Variants in SCAPER observed in about 807,000 individuals in gnomAD.
The protein encoded by SCAPER is S-phase cyclin A associated protein in the ER.
In SCAPER, 98 loss-of-function variants were observed where a neutral mutation model predicts 182.2. That is an observed-to-expected ratio of 0.54 (90% CI 0.46 to 0.64). The LOEUF is 0.64. SCAPER is among the 30% of genes least tolerant of loss of function. The pLI, the probability that SCAPER is intolerant of heterozygous loss-of-function variation, is 0.00. For synonymous variants in SCAPER, 605 were observed against 564.6 expected, an observed-to-expected ratio of 1.07 and a Z score of -1.01; for missense variants, 1,432 against 1,690.0, an observed-to-expected ratio of 0.85 and a Z score of 2.68.
At chr15:76,449,608 C>T (rs1053619307) in intron 25 of SCAPER, among the ~76,000 whole-genome samples, 4 of 152,176 alleles carry the variant, frequency 2.6e-5, no homozygotes, top group African/African-American at 9.7e-5. Context: ...TTCTATAATT[C>T]TATGACAAGT....
chr15:76,883,666 T>C, intron 2 of SCAPER, 146 bp downstream of exon 2: 3 of 700,940 alleles, frequency 4.3e-6, no homozygotes, highest in East Asian at 3.3e-5. Flanking sequence ...AGTACATTCA[T>C]AGCTGCTCAC....
At chr15:76,474,952 C>G (rs1178505941) in intron 24 of SCAPER, among the ~76,000 whole-genome samples, 1 of 152,108 alleles carries the variant, frequency 6.6e-6, no homozygotes, top group Non-Finnish European at 1.5e-5. Flanking sequence ...AAACCTTGAC[C>G]CACATCTAAC....
At chr15:76,507,397 A>C (rs1325938302) in intron 23 of SCAPER, among the ~76,000 whole-genome samples, 1 of 152,182 alleles carries the variant, frequency 6.6e-6, no homozygotes, top group African/African-American at 2.4e-5. Flanking sequence ...TAACCAACCC[A>C]GTCTGTGGCA....
At chr15:76,701,619 T>G in intron 20 of SCAPER, 139 bp downstream of exon 20, 1 of 613,952 alleles carries the variant, frequency 1.6e-6, no homozygotes, top group Non-Finnish European at 2.8e-6. Context: ...ATTTGTACAC[T>G]ATATTGTAGT....
intron 21 of SCAPER, among the ~76,000 whole-genome samples, chr15:76,652,293 TATATATATATATATATAC>T (rs2055162030): frequency 3.6e-5 from 1 of 28,144 alleles, no homozygotes; most frequent in African/African-American, 1.7e-4. Context: ...TATATATATA[TATATATATATATATATAC>T]ACACACACAC....
At chr15:76,522,165 T>C (rs1303930813) in intron 23 of SCAPER, among the ~76,000 whole-genome samples, 3 of 152,168 alleles carry the variant, frequency 2.0e-5, no homozygotes, top group Admixed American at 2.0e-4. Context: ...GGGAATTCTA[T>C]TCTGAAAAAT....
intron 23 of SCAPER, among the ~76,000 whole-genome samples, chr15:76,536,932 CAG>C (rs1276661897): frequency 2.0e-5 from 3 of 151,438 alleles, no homozygotes; most frequent in Non-Finnish European, 4.4e-5. Context: ...AACAGACAAA[CAG>C]AGAGCCAAAT....
At chr15:76,777,381 CA>C (rs796986581) in intron 8 of SCAPER, among the ~76,000 whole-genome samples, 45 of 152,076 alleles carry the variant, frequency 3.0e-4, no homozygotes, top group African/African-American at 9.6e-4. Context: ...AGAAAGTTCC[CA>C]AAAGAGAAAT....
intron 28 of SCAPER, chr15:76,381,144 G>A (rs2042918443): frequency 4.3e-6 from 1 of 234,266 alleles, no homozygotes; most frequent in East Asian, 9.1e-5. Context: ...TGTAAAATGG[G>A]TATAATAATA....
intron 26 of SCAPER, among the ~76,000 whole-genome samples, chr15:76,407,176 T>C (rs1010821755): frequency 2.6e-5 from 4 of 152,196 alleles, no homozygotes; most frequent in African/African-American, 9.6e-5. Context: ...AGAGTGTACT[T>C]ACACAAACTT....
Position 76,883,877 on chromosome 15 carries a change from C to A in SCAPER, c.-59-1G>T. On this transcript the variant is annotated splice_acceptor_variant, in intron 1 of 31. Coordinates refer to ENST00000563290, the MANE Select transcript of SCAPER (RefSeq NM_020843.4). LOFTEE classifies it low-confidence loss of function (5UTR_SPLICE). ...CACATAAACCCATGGAGTATGACTC[C>A]TACAATAAAAAATATATATACGCTT... 1 of 1,284,304 alleles carries A rather than the reference C, an allele frequency of 7.8e-7. No homozygotes were observed. Among genetic ancestry groups the A allele is most frequent in the Non-Finnish European group, 1.1e-6 (1 of 930,444 alleles). 79.6% of individuals were successfully genotyped at this position (1,284,304 alleles called of 1,614,324 possible). A position where few individuals can be genotyped will look rare whatever the true frequency, so the allele number is the denominator to read the frequency against.
chr15:76,605,879 T>A (rs546428722), intron 22 of SCAPER, among the ~76,000 whole-genome samples: 1 of 152,230 alleles, frequency 6.6e-6, no homozygotes, highest in Non-Finnish European at 1.5e-5. Flanking sequence ...ATCCCCTTTA[T>A]CTTTTTTTAT....
intron 26 of SCAPER, among the ~76,000 whole-genome samples, chr15:76,429,805 T>A (rs2046738375): frequency 6.6e-6 from 1 of 152,328 alleles, no homozygotes; most frequent in East Asian, 1.9e-4. Context: ...TCAAGCCGAC[T>A]GCAGAAATTT....
At chr15:76,413,174 C>T (rs1198373531) in intron 26 of SCAPER, among the ~76,000 whole-genome samples, 4 of 152,104 alleles carry the variant, frequency 2.6e-5, no homozygotes, top group African/African-American at 4.8e-5. Context: ...CATGAGACTG[C>T]AAATAATAAT....
intron 22 of SCAPER, among the ~76,000 whole-genome samples, chr15:76,604,381 T>C (rs1251341661): frequency 8.3e-6 from 1 of 120,640 alleles, no homozygotes; most frequent in Non-Finnish European, 2.0e-5. Context: ...TCCATTGGTC[T>C]ATATCTCTGT....
intron 23 of SCAPER, among the ~76,000 whole-genome samples, chr15:76,550,356 CCT>C (rs966555169): frequency 6.6e-6 from 1 of 152,144 alleles, no homozygotes; most frequent in East Asian, 1.9e-4. Flanking sequence ...CTCCCCGACC[CCT>C]GACAGGCTCC....
chr15:76,558,090 C>G (rs1016513169), intron 23 of SCAPER, among the ~76,000 whole-genome samples: 1 of 152,164 alleles, frequency 6.6e-6, no homozygotes, highest in Non-Finnish European at 1.5e-5. Context: ...TAGACCCTGG[C>G]AAAGATTTCA....
At chr15:76,384,569 T>C (rs910186934) in intron 27 of SCAPER, among the ~76,000 whole-genome samples, 7 of 152,220 alleles carry the variant, frequency 4.6e-5, no homozygotes, top group African/African-American at 1.7e-4. Flanking sequence ...TTGCAAATAT[T>C]ATCCTAATGA....
chr15:76,574,065 T>C (rs987439677), intron 23 of SCAPER, 93 bp downstream of exon 23: 2 of 1,270,614 alleles, frequency 1.6e-6, no homozygotes, highest in Non-Finnish European at 2.1e-6. Flanking sequence ...AGAAGAAAGG[T>C]ATATACTGAG....
Sources: gnomAD v4.1 joint callset for allele counts (sites outside exome capture counted in the v4.1 genomes callset) on GRCh38, gnomAD v4.1.1 for gene constraint, MANE v1.5 for transcripts, NCBI Gene and HGNC (gene_info 2026-07-23, HGNC 2026-07-21) for gene names.